Variants in SLC35F4 observed in about 807,000 individuals in gnomAD.
SLC35F4 encodes the protein solute carrier family 35 member F4.
A neutral mutation model predicts 44.2 loss-of-function variants in SLC35F4; 24 were observed. That is an observed-to-expected ratio of 0.54 (90% CI 0.39 to 0.76). SLC35F4 has a LOEUF of 0.76. Among genes scored for constraint, SLC35F4 ranks in the 30% least tolerant of loss-of-function variants. The pLI, the probability that SLC35F4 is intolerant of heterozygous loss-of-function variation, is 0.00. For synonymous variants in SLC35F4, 238 were observed against 223.6 expected (o/e 1.06, Z -0.57); for missense variants, 562 against 586.1 (o/e 0.96, Z 0.42).
chr14:57,702,464 G>A lies in SLC35F4; in HGVS notation c.104-108340C>T, dbSNP rs112978508. ...TACAGTTGTGACTTGATATGTCCTT[G>A]CATATGACAGGTCATCATGTAAAAA... On this transcript the variant is annotated intron_variant, in intron 1 of 7. Transcript: ENST00000556826. 6.5e-3 allele frequency among the ~76,000 whole-genome samples: 989 copies of A among 151,808 alleles called. 7 individuals are homozygous for A. The highest frequency in any genetic ancestry group is 0.022 in the African/African-American group (923 of 41,388).
At chr14:57,916,575 C>G (rs1183405044) in intron 1 of SLC35F4, among the ~76,000 whole-genome samples, 2 of 152,108 alleles carry the variant, frequency 1.3e-5, no homozygotes, top group Non-Finnish European at 2.9e-5. Context: ...TTCTTCTGTT[C>G]CTTTCTCCCC....
chr14:57,662,031 CA>C (rs1206957597), intron 1 of SLC35F4, among the ~76,000 whole-genome samples: 13 of 152,126 alleles, frequency 8.5e-5, no homozygotes, highest in Non-Finnish European at 1.8e-4. Context: ...CCATTCAAAA[CA>C]AAAACACTAT....
chr14:57,581,559 T>C (rs2069261495), intron 3 of SLC35F4, 126 bp from the exon 4 acceptor site: 3 of 834,912 alleles, frequency 3.6e-6, no homozygotes, highest in Non-Finnish European at 5.5e-6. Context: ...TTGTGAAGTA[T>C]ACTGAACCCA....
intron 1 of SLC35F4, among the ~76,000 whole-genome samples, chr14:57,697,447 C>G (rs552686156): frequency 6.6e-6 from 1 of 152,200 alleles, no homozygotes; most frequent in East Asian, 1.9e-4. Context: ...TGCTTGTAAT[C>G]TCAGCACTTT....
intron 1 of SLC35F4, among the ~76,000 whole-genome samples, chr14:57,936,605 G>C (rs1174000886): frequency 1.3e-5 from 2 of 152,248 alleles, no homozygotes; most frequent in Non-Finnish European, 2.9e-5. Context: ...CTAGTGGGTA[G>C]AGGGAGGTAG....
intron 1 of SLC35F4, among the ~76,000 whole-genome samples, chr14:57,964,991 A>AAAATATATATATATATATATATAT (rs1555331532): frequency 3.5e-5 from 4 of 115,672 alleles, no homozygotes; most frequent in African/African-American, 1.5e-4. Flanking sequence ...AAAAAAAAAA[A>AAAATATATATATATATATATATAT]ATATATATAT....
At chr14:57,718,172 G>C (rs2075991600) in intron 1 of SLC35F4, among the ~76,000 whole-genome samples, 1 of 152,184 alleles carries the variant, frequency 6.6e-6, no homozygotes, top group Non-Finnish European at 1.5e-5. Context: ...GCAAATGGTA[G>C]TCTCATTCTT....
intron 1 of SLC35F4, chr14:57,981,904 ATTAC>A (rs931709841): frequency 1.3e-5 from 2 of 152,194 alleles, no homozygotes; most frequent in Admixed American, 6.5e-5. Context: ...AAATTATAGT[ATTAC>A]TTACAAAAGT....
At chr14:57,645,254 C>G (rs2073448243) in intron 1 of SLC35F4, among the ~76,000 whole-genome samples, 1 of 152,156 alleles carries the variant, frequency 6.6e-6, no homozygotes, top group Non-Finnish European at 1.5e-5. Context: ...TACCCATGAG[C>G]ATGGAATGTT....
intron 1 of SLC35F4, among the ~76,000 whole-genome samples, chr14:57,829,506 G>A (rs766413589): frequency 1.9e-4 from 29 of 152,168 alleles, no homozygotes; most frequent in Non-Finnish European, 3.7e-4. Context: ...TACAAAGCAG[G>A]TCTAAAACGC....
chr14:57,783,083 C>A (rs555670450), intron 1 of SLC35F4, among the ~76,000 whole-genome samples: 2 of 152,070 alleles, frequency 1.3e-5, no homozygotes, highest in South Asian at 4.2e-4. Context: ...TTGCAAGTTA[C>A]CTTTTAAAAT....
At chr14:57,589,885 T>A (rs897420674) in intron 2 of SLC35F4, among the ~76,000 whole-genome samples, 2 of 152,070 alleles carry the variant, frequency 1.3e-5, no homozygotes, top group African/African-American at 4.8e-5. Flanking sequence ...GCATAACACC[T>A]CCCATAAGAA....
At chr14:57,702,259 A>T (rs536810945) in intron 1 of SLC35F4, among the ~76,000 whole-genome samples, 107 of 151,920 alleles carry the variant, frequency 7.0e-4, no homozygotes, top group African/African-American at 2.5e-3. Context: ...TACCCCCCTG[A>T]ATACGCACAG....
At chr14:57,834,076 G>A (rs953896800) in intron 1 of SLC35F4, among the ~76,000 whole-genome samples, 13 of 151,974 alleles carry the variant, frequency 8.6e-5, no homozygotes, top group Admixed American at 5.2e-4. Context: ...AATAACAAAG[G>A]CTGACCCCAA....
intron 1 of SLC35F4, among the ~76,000 whole-genome samples, chr14:57,705,672 C>G (rs1477773839): frequency 6.6e-6 from 1 of 152,100 alleles, no homozygotes; most frequent in Admixed American, 6.6e-5. Context: ...TTCTTGAGAC[C>G]AATGGATGAT....
intron 1 of SLC35F4, among the ~76,000 whole-genome samples, chr14:57,896,804 T>C (rs960630819): frequency 2.0e-5 from 3 of 152,186 alleles, no homozygotes; most frequent in African/African-American, 4.8e-5. Context: ...ATGATTATTG[T>C]TATTGCCTAA....
intron 1 of SLC35F4, among the ~76,000 whole-genome samples, chr14:57,625,503 A>C (rs543316892): frequency 1.3e-5 from 2 of 152,302 alleles, no homozygotes; most frequent in African/African-American, 4.8e-5. Context: ...AGACAATCCT[A>C]AGTAAAAAGA....
At chr14:57,631,470 A>G (rs1407675882) in intron 1 of SLC35F4, among the ~76,000 whole-genome samples, 2 of 152,090 alleles carry the variant, frequency 1.3e-5, no homozygotes, top group African/African-American at 4.8e-5. Flanking sequence ...GTTGGAAGCA[A>G]ACTTTGTGTG....
At chr14:57,687,975 A>G (rs1054044330) in intron 1 of SLC35F4, among the ~76,000 whole-genome samples, 3 of 152,236 alleles carry the variant, frequency 2.0e-5, no homozygotes, top group Non-Finnish European at 2.9e-5. Context: ...AGAATCATCA[A>G]TATGGACTTG....
Sources: gnomAD v4.1 joint callset for allele counts (sites outside exome capture counted in the v4.1 genomes callset) on GRCh38, gnomAD v4.1.1 for gene constraint, MANE v1.5 for transcripts, NCBI Gene and HGNC (gene_info 2026-07-23, HGNC 2026-07-21) for gene names.